MAP2K5: variants seen among roughly 807,000 people sequenced by gnomAD.
The protein encoded by MAP2K5 is mitogen-activated protein kinase kinase 5, also known as dual specificity mitogen-activated protein kinase kinase 5.
A neutral mutation model predicts 83.1 loss-of-function variants in MAP2K5; 49 were observed. The ratio of observed to expected loss-of-function variants is 0.59; its 90% CI spans 0.47 to 0.75. The LOEUF (loss-of-function observed/expected upper bound fraction) is 0.75, where lower values mean the gene tolerates loss of function less well. Ranked by LOEUF, MAP2K5 falls within the 30% of genes least tolerant of loss-of-function variation. MAP2K5 has a pLI of 0.00. For synonymous variants in MAP2K5, 202 were observed against 191.8 expected (o/e 1.05, Z -0.44); for missense variants, 457 against 557.5 (o/e 0.82, Z 1.82).
chr15:67,592,988 T>C lies in MAP2K5; in HGVS notation c.480+14T>C, dbSNP rs1176469735. On this transcript the variant is annotated intron_variant, in intron 7 of 21. Coordinates refer to ENST00000178640, the MANE Select transcript of MAP2K5 (RefSeq NM_145160.3). ...GCCAATGGCCAGGTAGGTATTATTA[T>C]ATATTAAGATTTTCACATAATAATA... The C allele has an allele frequency of 6.5e-7, 1 of 1,541,844 alleles. No homozygotes were observed. Among genetic ancestry groups the C allele is most frequent in the Non-Finnish European group, 8.9e-7 (1 of 1,122,650 alleles).
intron 21 of MAP2K5, 50 bp from the exon 22 acceptor site, chr15:67,806,596 G>T: frequency 2.7e-6 from 4 of 1,483,490 alleles, no homozygotes; most frequent in Non-Finnish European, 3.6e-6. Flanking sequence ...AGTACAATGA[G>T]CGCGGGAGTC....
In MAP2K5 at chr15:67,789,435, T is replaced by C. The variant is rs1402506635; in HGVS notation, c.1242+16683T>C. On this transcript the variant is annotated intron_variant, in intron 21 of 21. Transcript: ENST00000178640. ...AATCAGTGGCAAAATGGTATCTAGT[T>C]GGCCAGGCGTGGCGGCTTAACGCCT... Among the ~76,000 whole-genome samples the C allele has an allele frequency of 2.0e-5, 3 of 152,304 alleles. No individual in the cohort carries two copies. The East Asian group carries it at 5.8e-4, about 29-fold the overall frequency.
rs34583567 is a variant in MAP2K5 at position 67,690,943 on chromosome 15, G to T, written c.848-1536G>T. Among the ~76,000 whole-genome samples, 83,448 of 152,064 alleles carry T rather than the reference G, an allele frequency of 0.55. 23,591 individuals carry two copies. Among genetic ancestry groups the T allele is most frequent in the Non-Finnish European group, 0.6 (40,968 of 67,994 alleles). ...TGTTTTAAGTATGCTCCTACCCTGT[G>T]AACTTATTTATTTCTTGGGGCGATG... is the stretch of plus-strand genomic sequence containing the variant. On this transcript the variant is annotated intron_variant, in intron 13 of 21. Coordinates refer to ENST00000178640, the MANE Select transcript of MAP2K5 (RefSeq NM_145160.3). The surrounding 1 kb of genome is among the most constrained non-coding windows in gnomAD (Gnocchi z 4.3).
intron 8 of MAP2K5, chr15:67,627,962 G>A (rs781390481): frequency 1.3e-6 from 1 of 776,604 alleles, no homozygotes; most frequent in Non-Finnish European, 2.2e-6. Flanking sequence ...TAAGCAATGG[G>A]GAACACTCAC....
chr15:67,773,472 A>G (rs1449269375), intron 21 of MAP2K5, among the ~76,000 whole-genome samples: 2 of 152,216 alleles, frequency 1.3e-5, no homozygotes, highest in Non-Finnish European at 1.5e-5. Flanking sequence ...TTAGATTACT[A>G]CAGTCAGAGC....
intron 11 of MAP2K5, 45 bp downstream of exon 11, chr15:67,646,514 A>G (rs1173039329): frequency 1.0e-5 from 12 of 1,142,992 alleles, no homozygotes; most frequent in Non-Finnish European, 1.5e-5. Context: ...TTTTTAGAGT[A>G]TATAGTGCTT....
Position 67,748,644 on chromosome 15 carries a change from T to G in MAP2K5, c.1134+43T>G, listed in dbSNP as rs1020286689. 6.3e-7 allele frequency: 1 copy of G among 1,583,920 alleles called. No homozygotes were observed. The highest frequency in any genetic ancestry group is 8.7e-7 in the Non-Finnish European group (1 of 1,155,270). On this transcript the variant is annotated intron_variant, in intron 19 of 21. Transcript: ENST00000178640. This position sits in a 1 kb window ranked among gnomAD's most constrained non-coding sequence, Gnocchi z 4.0. ...GTGCTTTCACTCCTAAAGTCATTCC[T>G]AATGGTGTGGAAAGCTTATATTTTG...
intron 9 of MAP2K5, among the ~76,000 whole-genome samples, chr15:67,631,752 G>A (rs937534753): frequency 2.0e-5 from 3 of 152,184 alleles, no homozygotes; most frequent in Non-Finnish European, 4.4e-5. Context: ...TGCCACTGCT[G>A]GCGCTTGATC....
chr15:67,716,202 A>G (rs902932904), intron 16 of MAP2K5, among the ~76,000 whole-genome samples: 2 of 152,288 alleles, frequency 1.3e-5, no homozygotes, highest in Non-Finnish European at 2.9e-5. Flanking sequence ...TAAGCTGCAC[A>G]TGGTGACGCA....
intron 7 of MAP2K5, among the ~76,000 whole-genome samples, chr15:67,598,266 T>A (rs2085574541): frequency 6.6e-6 from 1 of 152,124 alleles, no homozygotes; most frequent in Non-Finnish European, 1.5e-5. Context: ...GCCAAAGGTT[T>A]GCATAACTTT....
At position 67,644,777 on chromosome 15, in the gene MAP2K5, C is replaced by T. The variant is rs1359055212; in HGVS notation, c.586-1454C>T. On this transcript the variant is annotated intron_variant, in intron 9 of 21. Coordinates refer to ENST00000178640, the MANE Select transcript of MAP2K5 (RefSeq NM_145160.3). This position sits in a 1 kb window ranked among gnomAD's most constrained non-coding sequence, Gnocchi z 4.6. ...TTTCTGTAACAGGATTAGCAAAGAA[C>T]ATTACCTGACTGGAAAAAAAAAAGA... is the stretch of plus-strand genomic sequence containing the variant. 1.3e-5 allele frequency among the ~76,000 whole-genome samples: 2 copies of T among 151,908 alleles called. No homozygotes were observed. Among genetic ancestry groups the T allele is most frequent in the Non-Finnish European group, 2.9e-5 (2 of 67,982 alleles).
intron 8 of MAP2K5, among the ~76,000 whole-genome samples, chr15:67,614,311 C>A (rs2086004366): frequency 6.6e-6 from 1 of 152,104 alleles, no homozygotes; most frequent in South Asian, 2.1e-4. Flanking sequence ...CTATAAAGCA[C>A]AATAGAATAT....
intron 16 of MAP2K5, among the ~76,000 whole-genome samples, chr15:67,715,182 C>T (rs2088799565): frequency 6.6e-6 from 1 of 151,788 alleles, no homozygotes. Context: ...GCTCTTACTC[C>T]CTTTTCTGTA....
chr15:67,677,814 T>C lies in MAP2K5; in HGVS notation c.847+13169T>C, dbSNP rs2087716318. On this transcript the variant is annotated intron_variant, in intron 13 of 21. Transcript: ENST00000178640. This position sits in a 1 kb window ranked among gnomAD's most constrained non-coding sequence, Gnocchi z 4.2. ...GGAGAATTGAGAAGCTCAGGCCTTT[T>C]TGCCCTTGTTATTAATCTTGTAAGT... Among the ~76,000 whole-genome samples the C allele has an allele frequency of 6.6e-6, 1 of 152,232 alleles. No individual in the cohort carries two copies. The highest frequency in any genetic ancestry group is 6.5e-5 in the Admixed American group (1 of 15,288).
At chr15:67,616,327 C>T (rs2141055708) in intron 8 of MAP2K5, among the ~76,000 whole-genome samples, 1 of 152,314 alleles carries the variant, frequency 6.6e-6, no homozygotes, top group South Asian at 2.1e-4. Flanking sequence ...GTGAGACCAA[C>T]TCTTAACTTT....
chr15:67,556,069 A>G (rs1008899551), intron 2 of MAP2K5, among the ~76,000 whole-genome samples: 2 of 152,214 alleles, frequency 1.3e-5, no homozygotes, highest in African/African-American at 4.8e-5. Flanking sequence ...TACAGGCATG[A>G]GCCACCGTAC....
At chr15:67,694,551 A>C (rs2088197718) in intron 15 of MAP2K5, among the ~76,000 whole-genome samples, 1 of 152,176 alleles carries the variant, frequency 6.6e-6, no homozygotes, top group African/African-American at 2.4e-5. Flanking sequence ...AATCAAAACC[A>C]CAATGAGATA....
At position 67,668,820 on chromosome 15, in the gene MAP2K5, A is replaced by AG. The variant is rs913114226; in HGVS notation, c.847+4176dup. Among the ~76,000 whole-genome samples, 5 of 151,484 alleles carry AG rather than the reference A, an allele frequency of 3.3e-5. No individual in the cohort carries two copies. The highest frequency in any genetic ancestry group is 1.2e-4 in the African/African-American group (5 of 40,948). ...TTACACAGATGCAGAAGTTTATAGA[A>AG]GAAAAAAAAAACCTATATAGTTGGT... On this transcript the variant is annotated intron_variant, in intron 13 of 21. Transcript: ENST00000178640. The surrounding 1 kb of genome is among the most constrained non-coding windows in gnomAD (Gnocchi z 4.0).
intron 8 of MAP2K5, among the ~76,000 whole-genome samples, chr15:67,629,509 C>G (rs1196349975): frequency 1.3e-5 from 2 of 151,892 alleles, no homozygotes; most frequent in Non-Finnish European, 2.9e-5. Context: ...TTCTGCTAAA[C>G]AGCAGAAAAT....
Sources: allele counts gnomAD v4.1 joint callset (sites outside exome capture counted in the v4.1 genomes callset), GRCh38; gene constraint gnomAD v4.1.1; non-coding constraint Gnocchi (gnomAD v3.1); transcripts MANE v1.5; gene names NCBI Gene and HGNC (gene_info 2026-07-23, HGNC 2026-07-21).